The following CLSTN1 variants were observed in gnomAD, a reference collection of about 807,000 sequenced individuals.
CLSTN1 encodes the protein calsyntenin 1.
CLSTN1 carries 28 observed loss-of-function variants against 108.3 expected under a neutral mutation model. That is an observed-to-expected ratio of 0.26 (90% CI 0.19 to 0.35). The LOEUF (loss-of-function observed/expected upper bound fraction) is 0.35. CLSTN1 is among the 10% of genes least tolerant of loss of function. The probability of loss-of-function intolerance (pLI) is 1.00; values close to 1 mark genes in which losing one functional copy is unlikely to be tolerated. For synonymous variants in CLSTN1, 524 were observed against 534.9 expected, an observed-to-expected ratio of 0.98 and a Z score of 0.28; for missense variants, 1,157 against 1,302.6, an observed-to-expected ratio of 0.89 and a Z score of 1.72.
At position 9,731,460 on chromosome 1, in the gene CLSTN1, C is replaced by T. The variant is rs1650387523; in HGVS notation, c.2564-70G>A. 1.2e-5 allele frequency: 18 copies of T among 1,505,056 alleles called. No homozygotes were observed. In the South Asian group the frequency reaches 1.7e-4, roughly 14 times the overall value. The allele number at this position is 1,505,056 out of a possible 1,614,324, so 93.2% of individuals were successfully genotyped here. On this transcript the variant is annotated intron_variant, in intron 17 of 18. Coordinates refer to ENST00000377298, the MANE Select transcript of CLSTN1 (RefSeq NM_001009566.3). The stretch of plus-strand genomic sequence containing the variant: ...AAGGCCACTGTGCCCTTGACCTCCT[C>T]GGCTGTGCCTGGTCAAAACGGGCTG...
At chr1:9,817,977 T>C (rs1655041309) in intron 1 of CLSTN1, among the ~76,000 whole-genome samples, 1 of 149,672 alleles carries the variant, frequency 6.7e-6, no homozygotes, top group Non-Finnish European at 1.5e-5. Flanking sequence ...CCTCAAAATG[T>C]CACTTTTGAG....
chr1:9,817,689 A>C (rs1655027318), intron 1 of CLSTN1, among the ~76,000 whole-genome samples: 1 of 152,234 alleles, frequency 6.6e-6, no homozygotes, highest in Admixed American at 6.5e-5. Flanking sequence ...GAAGTACGTG[A>C]ATCTCTGCCA....
At chr1:9,774,874 G>C (rs2101167097) in intron 1 of CLSTN1, among the ~76,000 whole-genome samples, 1 of 152,184 alleles carries the variant, frequency 6.6e-6, no homozygotes, top group East Asian at 1.9e-4. Context: ...CTAAACGAAG[G>C]GTGGATTATT....
intron 1 of CLSTN1, among the ~76,000 whole-genome samples, chr1:9,785,585 G>A (rs1368719382): frequency 2.0e-5 from 3 of 152,078 alleles, no homozygotes; most frequent in Admixed American, 6.6e-5. Flanking sequence ...ACCACTGGAT[G>A]TCCGCGGCCT....
At chr1:9,756,598 A>C in intron 2 of CLSTN1, 88 bp from the exon 3 acceptor site, 1 of 1,090,956 alleles carries the variant, frequency 9.2e-7, no homozygotes, top group Non-Finnish European at 1.4e-6. Context: ...AGGTGCACAT[A>C]TTACACATTT....
At chr1:9,741,652 C>T (rs1650989888) in intron 9 of CLSTN1, among the ~76,000 whole-genome samples, 1 of 152,218 alleles carries the variant, frequency 6.6e-6, no homozygotes, top group Admixed American at 6.5e-5. Context: ...TGGCTCAGGC[C>T]TGTAATCCCA....
At chr1:9,760,622 C>T (rs926637979) in intron 2 of CLSTN1, among the ~76,000 whole-genome samples, 4 of 151,024 alleles carry the variant, frequency 2.6e-5, no homozygotes, top group African/African-American at 4.9e-5. Context: ...TGAGTTCAAG[C>T]GATTCTCCCA....
intron 15 of CLSTN1, 144 bp downstream of exon 15, chr1:9,733,828 C>T (rs1243412236): frequency 2.3e-6 from 2 of 865,554 alleles, no homozygotes; most frequent in East Asian, 5.2e-5. Flanking sequence ...GTGCAGCCAA[C>T]AATGATCCCA....
At chr1:9,798,235 G>A (rs746914062) in intron 1 of CLSTN1, among the ~76,000 whole-genome samples, 57 of 151,980 alleles carry the variant, frequency 3.8e-4, no homozygotes, top group Non-Finnish European at 2.8e-4. Context: ...TCCACTCCCA[G>A]GTATACATCC....
At chr1:9,765,863 C>A (rs998022702) in intron 2 of CLSTN1, among the ~76,000 whole-genome samples, 1 of 151,948 alleles carries the variant, frequency 6.6e-6, no homozygotes, top group Non-Finnish European at 1.5e-5. Context: ...GGCGACACAG[C>A]GAGACTCTGT....
intron 5 of CLSTN1, 56 bp from the exon 6 acceptor site, chr1:9,749,969 G>A: frequency 6.7e-7 from 1 of 1,502,344 alleles, no homozygotes; most frequent in Non-Finnish European, 9.2e-7. Context: ...TTTTACTTTT[G>A]TTGTCCTAGG....
chr1:9,808,686 T>C (rs1013677107), intron 1 of CLSTN1, among the ~76,000 whole-genome samples: 1 of 151,820 alleles, frequency 6.6e-6, no homozygotes, highest in African/African-American at 2.4e-5. Context: ...AGTGGAGAAA[T>C]AACACGTGCC....
At chr1:9,798,243 T>C (rs1221084241) in intron 1 of CLSTN1, among the ~76,000 whole-genome samples, 2 of 151,916 alleles carry the variant, frequency 1.3e-5, no homozygotes, top group Non-Finnish European at 2.9e-5. Context: ...CAGGTATACA[T>C]CCAAAAGAAC....
chr1:9,755,100 T>C lies in CLSTN1; in HGVS notation c.440+14A>G. On this transcript the variant is annotated intron_variant, in intron 4 of 18. Coordinates refer to ENST00000377298, the MANE Select transcript of CLSTN1 (RefSeq NM_001009566.3). ...CTCGGTGGGTTATGTTCACTCTTTG[T>C]CCAGCTTACTTACTTATGAGACTTT... 6.2e-7 allele frequency: 1 copy of C among 1,603,682 alleles called. No individual in the cohort carries two copies. Among genetic ancestry groups the C allele is most frequent in the South Asian group, 1.1e-5 (1 of 90,468 alleles).
At chr1:9,808,271 T>C (rs1051468788) in intron 1 of CLSTN1, among the ~76,000 whole-genome samples, 3 of 152,200 alleles carry the variant, frequency 2.0e-5, no homozygotes, top group Non-Finnish European at 4.4e-5. Flanking sequence ...AGTGGACACA[T>C]GCAGTTCAAA....
At chr1:9,732,275 T>G (rs564271311) in intron 16 of CLSTN1, among the ~76,000 whole-genome samples, 2 of 152,174 alleles carry the variant, frequency 1.3e-5, no homozygotes, top group Admixed American at 1.3e-4. Flanking sequence ...CACGGCTCAC[T>G]GCAGCCTGGA....
intron 1 of CLSTN1, 61 bp from the exon 2 acceptor site, chr1:9,773,455 AC>A: frequency 1.4e-6 from 2 of 1,467,358 alleles, no homozygotes; most frequent in Non-Finnish European, 1.8e-6. Flanking sequence ...CAACTCCACT[AC>A]TTTTGAAGAC....
At chr1:9,819,561 G>C (rs972652716) in intron 1 of CLSTN1, among the ~76,000 whole-genome samples, 1 of 152,106 alleles carries the variant, frequency 6.6e-6, no homozygotes, top group Non-Finnish European at 1.5e-5. Flanking sequence ...TGTATGTTAT[G>C]ACCTCCTAAA....
chr1:9,823,765 G>C lies in CLSTN1; in HGVS notation c.-32C>G, dbSNP rs1176392029. 6.0e-6 allele frequency: 6 copies of C among 997,136 alleles called. No homozygotes were observed. Among genetic ancestry groups the C allele is most frequent in the Non-Finnish European group, 7.2e-6 (6 of 831,150 alleles). 61.8% of individuals were successfully genotyped at this position (997,136 alleles called of 1,614,324 possible). On this transcript the variant is annotated 5_prime_UTR_variant, in exon 1 of 19. Coordinates refer to ENST00000377298, the MANE Select transcript of CLSTN1 (RefSeq NM_001009566.3). The surrounding 1 kb of genome is among the most constrained non-coding windows in gnomAD (Gnocchi z 6.3). ...CCCGGGGCGGGAGCGGCAGGGAGGC[G>C]CGCGGGACGCCGAGCGGAGCTCTCG...
Sources: allele counts gnomAD v4.1 joint callset (sites outside exome capture counted in the v4.1 genomes callset), GRCh38; gene constraint gnomAD v4.1.1; non-coding constraint Gnocchi (gnomAD v3.1); transcripts MANE v1.5; gene names NCBI Gene and HGNC (gene_info 2026-07-23, HGNC 2026-07-21).